SLC7A9: variants seen among roughly 807,000 people sequenced by gnomAD.
SLC7A9 encodes solute carrier family 7 member 9.
A neutral mutation model predicts 54.1 loss-of-function variants in SLC7A9; 38 were observed. The observed-to-expected ratio is 0.70, with a 90% CI of 0.54 to 0.92. SLC7A9 has a LOEUF of 0.92. Ranked by LOEUF, SLC7A9 falls within the 40% of genes least tolerant of loss-of-function variation. The pLI, the probability that SLC7A9 is intolerant of heterozygous loss-of-function variation, is 0.00. For missense variants in SLC7A9, 537 were observed against 636.1 expected (o/e 0.84, Z 1.68); for synonymous variants, 264 against 258.9 (o/e 1.02, Z -0.19).
At chr19:32,838,846 C>T (rs1968047566) in intron 11 of SLC7A9, among the ~76,000 whole-genome samples, 1 of 149,460 alleles carries the variant, frequency 6.7e-6, no homozygotes, top group South Asian at 2.1e-4. Flanking sequence ...ATACATTATA[C>T]ACATATATAG....
chr19:32,848,782 A>G (rs1220571873), intron 9 of SLC7A9, among the ~76,000 whole-genome samples: 4 of 152,200 alleles, frequency 2.6e-5, no homozygotes, highest in African/African-American at 9.6e-5. Context: ...ACATAGTTGG[A>G]AGTAAAGCAC....
At chr19:32,847,070 C>G (rs979036336) in intron 9 of SLC7A9, among the ~76,000 whole-genome samples, 1 of 152,126 alleles carries the variant, frequency 6.6e-6, no homozygotes, top group Admixed American at 6.6e-5. Flanking sequence ...AGTAGATAAA[C>G]CACAAAGATG....
chr19:32,862,845 T>G (rs1801069443), intron 4 of SLC7A9: 1 of 237,836 alleles, frequency 4.2e-6, no homozygotes. Flanking sequence ...CTAATTTTTG[T>G]ATTTTTAGTA....
chr19:32,842,260 A>C lies in SLC7A9; in HGVS notation c.1132T>G (p.Phe378Val). The C allele has an allele frequency of 6.2e-7, 1 of 1,614,016 alleles. No homozygotes were observed. The highest frequency in any genetic ancestry group is 8.5e-7 in the Non-Finnish European group (1 of 1,179,878). The change falls in exon 11 of 13, where the codon TTC (phenylalanine) becomes GTC (valine). Residue 378 changes from phenylalanine (F) to valine (V), a missense_variant. Coordinates refer to ENST00000023064, the MANE Select transcript of SLC7A9 (RefSeq NM_014270.5). ...TAAAACAGCCATGCGGCAAAGCTGA[A>C]ATAATTGACTAACGAGTTTATGTCA... is the stretch of plus-strand genomic sequence containing the variant. ...PGDINSLVNY[F>V]SFAAWLFYGL...
At chr19:32,843,480 G>A (rs1205988355) in intron 10 of SLC7A9, among the ~76,000 whole-genome samples, 7 of 151,384 alleles carry the variant, frequency 4.6e-5, no homozygotes, top group Non-Finnish European at 1.0e-4. Flanking sequence ...GTCAAAGGGC[G>A]TTTACTGCAC....
chr19:32,845,970 C>T (rs1568518575), intron 9 of SLC7A9, among the ~76,000 whole-genome samples: 1 of 152,160 alleles, frequency 6.6e-6, no homozygotes, highest in East Asian at 1.9e-4. Flanking sequence ...CACCACTGTA[C>T]TCTAGCCTGG....
In SLC7A9 at chr19:32,830,541, A is replaced by G. The variant is rs2287884; in HGVS notation, c.*79T>C. On this transcript the variant is annotated 3_prime_UTR_variant, in exon 13 of 13. Transcript: ENST00000023064. ...AACATCTGAGTATATTTTATTCGTAAGAAAAAAAGGAAGAAATAACCACAA... is the reference window on the plus strand; with the variant it reads ...AACATCTGAGTATATTTTATTCGTAGGAAAAAAAGGAAGAAATAACCACAA... 0.16 allele frequency: 178,708 copies of G among 1,086,512 alleles called. 15,484 individuals are homozygous for G. Among genetic ancestry groups the G allele is most frequent in the East Asian group, 0.21 (8,798 of 42,366 alleles). 67.3% of individuals were successfully genotyped at this position (1,086,512 alleles called of 1,614,324 possible).
intron 11 of SLC7A9, among the ~76,000 whole-genome samples, chr19:32,833,888 T>C (rs533368657): frequency 6.6e-6 from 1 of 151,460 alleles, no homozygotes; most frequent in African/African-American, 2.5e-5. Flanking sequence ...GTTTGCAAAA[T>C]GGTGATTTTT....
intron 6 of SLC7A9, among the ~76,000 whole-genome samples, 190 bp from the exon 7 acceptor site, chr19:32,860,840 C>T (rs1404092645): frequency 1.3e-5 from 2 of 150,288 alleles, no homozygotes; most frequent in East Asian, 2.0e-4. Context: ...CCTACCCAGA[C>T]CTACACATCT....
intron 8 of SLC7A9, 89 bp downstream of exon 8, chr19:32,859,752 T>A: frequency 9.0e-7 from 1 of 1,116,376 alleles, no homozygotes; most frequent in Non-Finnish European, 1.4e-6. Flanking sequence ...CCTCCTTCCC[T>A]GGGAGGGAGC....
intron 2 of SLC7A9, among the ~76,000 whole-genome samples, chr19:32,865,349 G>C (rs1968936873): frequency 6.6e-6 from 1 of 152,170 alleles, no homozygotes; most frequent in Non-Finnish European, 1.5e-5. Flanking sequence ...TGTCACCCAG[G>C]CTGGAGCACA....
chr19:32,830,790 C>T (rs1300424815), intron 12 of SLC7A9, 106 bp from the exon 13 acceptor site: 21 of 844,922 alleles, frequency 2.5e-5, no homozygotes, highest in East Asian at 5.3e-5. Context: ...TTTGGTGATG[C>T]GTCACCTAGA....
At chr19:32,867,496 G>A (rs1450192473) in intron 2 of SLC7A9, among the ~76,000 whole-genome samples, 1 of 151,970 alleles carries the variant, frequency 6.6e-6, no homozygotes, top group Non-Finnish European at 1.5e-5. Context: ...CAGCCTGGGT[G>A]ACAGAGTAAG....
intron 11 of SLC7A9, among the ~76,000 whole-genome samples, chr19:32,838,308 G>A (rs1968022424): frequency 6.6e-6 from 1 of 151,680 alleles, no homozygotes; most frequent in African/African-American, 2.4e-5. Context: ...CTTTTTTAAT[G>A]TGTCTTTTGG....
Position 32,864,735 on chromosome 19 carries a change from G to C in SLC7A9, c.129C>G (p.Ile43Met), listed in dbSNP as rs756822865. 3.7e-6 allele frequency: 6 copies of C among 1,614,102 alleles called. No homozygotes were observed. Among genetic ancestry groups the C allele is most frequent in the Middle Eastern group, 1.6e-4 (1 of 6,084 alleles). Residue 43 changes from isoleucine to methionine, a missense_variant, in exon 3 of 13, where the codon ATC (isoleucine) becomes ATG (methionine). By Grantham distance (10) the Ile-to-Met change is conservative. Coordinates refer to ENST00000023064, the MANE Select transcript of SLC7A9 (RefSeq NM_014270.5). ...GGGAAACGAAGATCCCAGAGCCAAT[G>C]ATGGTGCCCACGATGATGGAGATGC... ...ISGISIIVGT[I>M]IGSGIFVSPK...
At chr19:32,866,161 G>A (rs1968965204) in intron 2 of SLC7A9, among the ~76,000 whole-genome samples, 4 of 152,170 alleles carry the variant, frequency 2.6e-5, no homozygotes, top group Non-Finnish European at 1.5e-5. Flanking sequence ...CGCAGGGGAT[G>A]AGGGGCTCCC....
rs1278084072 is a variant in SLC7A9 at position 32,864,260 on chromosome 19, C to A, written c.314G>T (p.Gly105Val). 1 of 1,614,128 alleles carries A rather than the reference C, an allele frequency of 6.2e-7. No homozygotes were observed. The highest frequency in any genetic ancestry group is 8.5e-7 in the Non-Finnish European group (1 of 1,180,002). ...GGAGAAGAGGTAGGCGGGGATGGGC[C>A]CGTAGGCCTCCATCAGGTAGGGATA... The part of the protein sequence containing the change: ...GEYPYLMEAY[G>V]PIPAYLFSWA... Residue 105 changes from glycine to valine, a missense_variant, in exon 4 of 13, where the codon GGG (glycine) becomes GTG (valine). By Grantham distance (109) the Gly-to-Val change is moderately radical (BLOSUM62 -3). Transcript: ENST00000023064.
chr19:32,848,312 C>T (rs1282422016), intron 9 of SLC7A9, among the ~76,000 whole-genome samples: 5 of 152,160 alleles, frequency 3.3e-5, no homozygotes, highest in African/African-American at 7.2e-5. Flanking sequence ...CAGAGACACT[C>T]ATAGGCTCAA....
chr19:32,841,783 T>C (rs1221199865), intron 11 of SLC7A9, among the ~76,000 whole-genome samples: 2 of 152,128 alleles, frequency 1.3e-5, no homozygotes, highest in African/African-American at 2.4e-5. Flanking sequence ...GGCAGATGTC[T>C]GTAATCCCAG....
Sources: allele counts gnomAD v4.1 joint callset (sites outside exome capture counted in the v4.1 genomes callset), GRCh38; gene constraint gnomAD v4.1.1; transcripts MANE v1.5; gene names NCBI Gene and HGNC (gene_info 2026-07-23, HGNC 2026-07-21).